The following GRAMD1C variants were observed in gnomAD, a reference collection of about 807,000 sequenced individuals.
GRAMD1C encodes the protein protein Aster-C.
GRAMD1C carries 89 observed loss-of-function variants against 97.8 expected under a neutral mutation model. The observed-to-expected ratio is 0.91, with a 90% CI of 0.77 to 1.09. GRAMD1C has a LOEUF of 1.09. Among genes scored for constraint, GRAMD1C ranks in the 50% least tolerant of loss-of-function variants. GRAMD1C has a pLI of 0.00. For missense variants in GRAMD1C, 740 were observed against 766.4 expected (o/e 0.97, Z 0.41); for synonymous variants, 256 against 267.0 (o/e 0.96, Z 0.40).
At chr3:113,862,955 G>A (rs1161896444) in intron 2 of GRAMD1C, among the ~76,000 whole-genome samples, 2 of 152,198 alleles carry the variant, frequency 1.3e-5, no homozygotes, top group Non-Finnish European at 2.9e-5. Flanking sequence ...TGGTGAGGAT[G>A]TGGAGAAGTT....
intron 8 of GRAMD1C, 39 bp from the exon 9 acceptor site, chr3:113,908,919 C>T (rs973170775): frequency 6.9e-6 from 9 of 1,302,154 alleles, no homozygotes; most frequent in South Asian, 5.7e-5. Context: ...CTAAGCTAAA[C>T]CTGTGTTTTA....
chr3:113,913,429 C>CAAAAAA (rs765510213), intron 9 of GRAMD1C, among the ~76,000 whole-genome samples: 3 of 68,286 alleles, frequency 4.4e-5, no homozygotes, highest in African/African-American at 1.1e-4. Context: ...ACTCTGTCTC[C>CAAAAAA]AAAAAAAAAA....
intron 8 of GRAMD1C, among the ~76,000 whole-genome samples, chr3:113,907,081 T>C (rs1381312412): frequency 6.6e-6 from 1 of 152,340 alleles, no homozygotes; most frequent in East Asian, 1.9e-4. Context: ...TTTCTCATAA[T>C]GTATCCCTGT....
intron 3 of GRAMD1C, among the ~76,000 whole-genome samples, chr3:113,871,744 CAAAAA>C (rs1179822586): frequency 1.5e-5 from 1 of 65,410 alleles, no homozygotes; most frequent in South Asian, 6.7e-4. Context: ...GACTCTGTCT[CAAAAA>C]AAAAAAAAAA....
chr3:113,869,784 A>C (rs1208914950), intron 3 of GRAMD1C, among the ~76,000 whole-genome samples, 193 bp downstream of exon 3: 1 of 152,224 alleles, frequency 6.6e-6, no homozygotes, highest in African/African-American at 2.4e-5. Context: ...AATATATTGA[A>C]GAGATATCTG....
intron 6 of GRAMD1C, among the ~76,000 whole-genome samples, chr3:113,883,740 G>GCT (rs1450113981): frequency 6.6e-6 from 1 of 152,028 alleles, no homozygotes; most frequent in East Asian, 1.9e-4. Context: ...AAGAATAAAG[G>GCT]CTCAATTCAT....
At chr3:113,878,421 C>A (rs1299427173) in intron 5 of GRAMD1C, among the ~76,000 whole-genome samples, 1 of 152,136 alleles carries the variant, frequency 6.6e-6, no homozygotes, top group Non-Finnish European at 1.5e-5. Flanking sequence ...TGAAAGAAGC[C>A]AGTGTGTTCA....
At chr3:113,898,073 T>C (rs907054458) in intron 6 of GRAMD1C, among the ~76,000 whole-genome samples, 1 of 152,200 alleles carries the variant, frequency 6.6e-6, no homozygotes, top group African/African-American at 2.4e-5. Flanking sequence ...TAACCTGTTA[T>C]ATATATTAAA....
upstream of GRAMD1C, among the ~76,000 whole-genome samples, chr3:113,837,615 T>C (rs1416486102): frequency 1.3e-5 from 2 of 152,138 alleles, no homozygotes; most frequent in African/African-American, 4.8e-5. Flanking sequence ...GACTGGGAGC[T>C]GTGGCTTGCA....
Position 113,869,648 on chromosome 3 carries a change from A to G in GRAMD1C, c.259+57A>G, listed in dbSNP as rs1577144089. 7.4e-5 allele frequency: 56 copies of G among 758,592 alleles called. 2 individuals carry two copies. In the South Asian group the frequency reaches 8.7e-4, roughly 12 times the overall value. The allele number at this position is 758,592 out of a possible 1,614,324, so 47.0% of individuals were successfully genotyped here. On this transcript the variant is annotated intron_variant, in intron 3 of 17. Transcript: ENST00000358160. The stretch of plus-strand genomic sequence containing the variant: ...TTACCTCATTATAAAAAGAAAACTG[A>G]TAAGTGACAGTATATGTAATAAAAT...
At chr3:113,928,292 C>G (rs762426325) in intron 10 of GRAMD1C, among the ~76,000 whole-genome samples, 41 of 152,260 alleles carry the variant, frequency 2.7e-4, no homozygotes, top group Non-Finnish European at 5.4e-4. Context: ...CGAGCAGCTT[C>G]TAATTCACCA....
At chr3:113,890,020 G>A (rs1432284892) in intron 6 of GRAMD1C, among the ~76,000 whole-genome samples, 22 of 152,088 alleles carry the variant, frequency 1.4e-4, no homozygotes, top group African/African-American at 5.3e-4. Context: ...TTCCTGAAGT[G>A]GACAGACACA....
In GRAMD1C at chr3:113,930,754, TC is replaced by T. The variant is rs768915519; in HGVS notation, c.1132del (p.Gln378SerfsTer2). On this transcript the variant is annotated frameshift_variant, in exon 11 of 18. Coordinates refer to ENST00000358160, the MANE Select transcript of GRAMD1C (RefSeq NM_017577.5). LOFTEE classifies it high-confidence loss of function. ...TPWTAELGGDQLRTMTYTIVL... is the reference protein window; with the variant it reads ...TPWTAELGGDXLRTMTYTIVL... ...CTTGGACTGCAGAACTTGGAGGTGA[TC>T]AGCTGAGAACGATGACCTACACTAT... 1 of 1,611,582 alleles carries T rather than the reference TC, an allele frequency of 6.2e-7. No homozygotes were observed. The highest frequency in any genetic ancestry group is 1.1e-5 in the South Asian group (1 of 91,016).
At chr3:113,830,240 A>G (rs1162062771) in intron 1 of GRAMD1C, among the ~76,000 whole-genome samples, 1 of 152,132 alleles carries the variant, frequency 6.6e-6, no homozygotes, top group African/African-American at 2.4e-5. Context: ...GCCAGGCACC[A>G]TGTTGCCTGC....
In GRAMD1C at chr3:113,920,312, A is replaced by T. The variant is rs190770928; in HGVS notation, c.1090+4474A>T. ...GAGGGGAGAAAGAGCAAAACTCCAT[A>T]TATATTAGTCTTCCTTTATCTTACA... On this transcript the variant is annotated intron_variant, in intron 10 of 17. Coordinates refer to ENST00000358160, the MANE Select transcript of GRAMD1C (RefSeq NM_017577.5). The T allele has an allele frequency of 5.3e-4, 229 of 428,244 alleles. 1 individual carries two copies. In the Middle Eastern group the frequency reaches 5.8e-3, roughly 11 times the overall value. 26.5% of individuals were successfully genotyped at this position (428,244 alleles called of 1,614,324 possible).
intron 2 of GRAMD1C, among the ~76,000 whole-genome samples, chr3:113,845,597 C>T (rs1933573324): frequency 6.6e-6 from 1 of 151,950 alleles, no homozygotes; most frequent in South Asian, 2.1e-4. Flanking sequence ...CCCAGCTACT[C>T]AGGAGGCTGA....
upstream of GRAMD1C, among the ~76,000 whole-genome samples, chr3:113,837,727 C>CAAAA (rs1709660895): frequency 6.4e-5 from 1 of 15,742 alleles, no homozygotes; most frequent in South Asian, 2.3e-3. Context: ...TCTCAAAAAA[C>CAAAA]AAACAAACAA....
At chr3:113,891,616 C>T (rs1327987741) in intron 6 of GRAMD1C, among the ~76,000 whole-genome samples, 1 of 151,802 alleles carries the variant, frequency 6.6e-6, no homozygotes, top group Non-Finnish European at 1.5e-5. Flanking sequence ...CATGGTGACT[C>T]ATGCTTGTAA....
chr3:113,829,194 AGGAGGATC>A (rs1352163060), intron 1 of GRAMD1C, among the ~76,000 whole-genome samples: 1 of 152,162 alleles, frequency 6.6e-6, no homozygotes, highest in African/African-American at 2.4e-5. Flanking sequence ...AGGCCAGAAC[AGGAGGATC>A]ATTTGAGGCC....
Sources: gnomAD v4.1 joint callset for allele counts (sites outside exome capture counted in the v4.1 genomes callset) on GRCh38, gnomAD v4.1.1 for gene constraint, MANE v1.5 for transcripts, NCBI Gene and HGNC (gene_info 2026-07-23, HGNC 2026-07-21) for gene names.